The following PTPRD variants were observed in gnomAD, a reference collection of about 807,000 sequenced individuals.
The protein encoded by PTPRD is receptor-type tyrosine-protein phosphatase delta.
Under a neutral mutation model 214.5 loss-of-function variants are expected in PTPRD, and 34 were observed. That is an observed-to-expected ratio of 0.16 (90% confidence interval 0.12 to 0.21). The LOEUF is 0.21. Among genes scored for constraint, PTPRD ranks in the 10% least tolerant of loss-of-function variants. PTPRD has a pLI of 1.00. For synonymous variants in PTPRD, 1,128 were observed against 845.7 expected, an observed-to-expected ratio of 1.33 and a Z score of -5.79; for missense variants, 2,545 against 2,398.7, an observed-to-expected ratio of 1.06 and a Z score of -1.27.
intron 6 of PTPRD, among the ~76,000 whole-genome samples, chr9:9,757,083 C>G (rs895089785): frequency 1.3e-5 from 2 of 152,106 alleles, no homozygotes; most frequent in African/African-American, 4.8e-5. Context: ...CTTAGTATGA[C>G]AGCAAAAGTT....
At chr9:10,064,528 T>C (rs894092914) in intron 3 of PTPRD, among the ~76,000 whole-genome samples, 2 of 151,936 alleles carry the variant, frequency 1.3e-5, no homozygotes, top group Non-Finnish European at 2.9e-5. Context: ...TTGTGGTTAA[T>C]GGTCTATCAT....
In PTPRD at chr9:8,589,192, G is replaced by A. The variant is rs116476668; in HGVS notation, c.352+44125C>T. On this transcript the variant is annotated intron_variant, in intron 14 of 45. Transcript: ENST00000381196. Reference sequence around the variant, plus strand: ...CTGGCTAACCTTTACACTATGAAGAGTTGCTGTGCTGATCAAATCAATCAA... The same window carrying A: ...CTGGCTAACCTTTACACTATGAAGAATTGCTGTGCTGATCAAATCAATCAA... 2.6e-3 allele frequency among the ~76,000 whole-genome samples: 403 copies of A among 152,304 alleles called. 4 individuals carry two copies. Among genetic ancestry groups the A allele is most frequent in the African/African-American group, 9.4e-3 (392 of 41,568 alleles).
At chr9:9,055,417 T>A (rs559474544) in intron 10 of PTPRD, among the ~76,000 whole-genome samples, 63 of 152,158 alleles carry the variant, frequency 4.1e-4, no homozygotes, top group Non-Finnish European at 7.8e-4. Context: ...AGTACATACA[T>A]CTTTGCCAGT....
chr9:10,598,858 A>G (rs2077280922), intron 2 of PTPRD, among the ~76,000 whole-genome samples: 1 of 151,622 alleles, frequency 6.6e-6, no homozygotes, highest in African/African-American at 2.4e-5. Flanking sequence ...AGAAAGGAAG[A>G]GAAAGAATGT....
intron 2 of PTPRD, among the ~76,000 whole-genome samples, chr9:10,376,677 C>T (rs1442298411): frequency 6.6e-6 from 1 of 151,836 alleles, no homozygotes; most frequent in East Asian, 2.0e-4. Flanking sequence ...TGTAATTTTG[C>T]AGTCAGAGAA....
At chr9:10,343,162 G>A (rs1360190462) in intron 2 of PTPRD, among the ~76,000 whole-genome samples, 1 of 151,046 alleles carries the variant, frequency 6.6e-6, no homozygotes, top group Admixed American at 6.6e-5. Context: ...GTTGTGTGAT[G>A]TTCCTCACCC....
chr9:9,195,627 A>C (rs541954516), intron 9 of PTPRD, among the ~76,000 whole-genome samples: 4 of 151,980 alleles, frequency 2.6e-5, no homozygotes, highest in African/African-American at 9.7e-5. Context: ...TTTCATTTGA[A>C]TGGAGCATTC....
At chr9:10,437,822 T>G (rs1485721574) in intron 2 of PTPRD, among the ~76,000 whole-genome samples, 7 of 150,940 alleles carry the variant, frequency 4.6e-5, no homozygotes. Context: ...TAAAATGCCT[T>G]TCACTCAAAG....
intron 3 of PTPRD, among the ~76,000 whole-genome samples, chr9:10,306,795 C>G (rs772712568): frequency 2.0e-5 from 3 of 152,086 alleles, no homozygotes; most frequent in Non-Finnish European, 2.9e-5. Context: ...TAAATGAACT[C>G]AGCTGTACTG....
intron 2 of PTPRD, among the ~76,000 whole-genome samples, chr9:10,403,037 C>T (rs1329900837): frequency 6.6e-6 from 1 of 151,062 alleles, no homozygotes; most frequent in East Asian, 2.0e-4. Context: ...GCCTAGGTTC[C>T]CCACATCAAC....
intron 10 of PTPRD, among the ~76,000 whole-genome samples, chr9:9,097,804 C>CTATT (rs1375303128): frequency 6.8e-6 from 1 of 147,166 alleles, no homozygotes; most frequent in African/African-American, 2.5e-5. Flanking sequence ...TTGTTACGAA[C>CTATT]TATTTTTCAC....
chr9:9,897,177 C>G (rs1043458664), intron 5 of PTPRD, among the ~76,000 whole-genome samples: 1 of 150,360 alleles, frequency 6.7e-6, no homozygotes, highest in Non-Finnish European at 1.5e-5. Flanking sequence ...CTAAACACCC[C>G]CTGGGGGTTG....
chr9:10,442,000 G>T (rs954178607), intron 2 of PTPRD, among the ~76,000 whole-genome samples: 1 of 151,442 alleles, frequency 6.6e-6, no homozygotes, highest in Non-Finnish European at 1.5e-5. Context: ...AATTTTTAAA[G>T]CTTATTTTTT....
intron 3 of PTPRD, among the ~76,000 whole-genome samples, chr9:10,171,364 A>G (rs1461179862): frequency 6.6e-6 from 1 of 151,930 alleles, no homozygotes; most frequent in African/African-American, 2.4e-5. Context: ...TGATGGTTTT[A>G]TAAGGAGAAA....
At chr9:8,476,334 A>G (rs2135331905) in intron 30 of PTPRD, among the ~76,000 whole-genome samples, 1 of 152,308 alleles carries the variant, frequency 6.6e-6, no homozygotes, top group Non-Finnish European at 1.5e-5. Flanking sequence ...ATCTGACAGG[A>G]GGCGGAGCTC....
At chr9:9,452,024 T>A (rs151189547) in intron 8 of PTPRD, among the ~76,000 whole-genome samples, 5 of 151,614 alleles carry the variant, frequency 3.3e-5, no homozygotes, top group African/African-American at 1.2e-4. Context: ...ATTTCTAGAA[T>A]TGTTGGAAGA....
chr9:10,181,639 T>C (rs186370905), intron 3 of PTPRD, among the ~76,000 whole-genome samples: 9 of 152,056 alleles, frequency 5.9e-5, no homozygotes, highest in Non-Finnish European at 8.8e-5. Context: ...TTATAAAACA[T>C]AGTAATTAAG....
At chr9:9,712,812 T>A (rs1419581645) in intron 7 of PTPRD, among the ~76,000 whole-genome samples, 2 of 152,212 alleles carry the variant, frequency 1.3e-5, no homozygotes, top group African/African-American at 4.8e-5. Flanking sequence ...TAGTTTATTA[T>A]CTAGCATAGC....
At chr9:8,363,497 T>C (rs75599228) in intron 39 of PTPRD, among the ~76,000 whole-genome samples, 6,204 of 152,152 alleles carry the variant, frequency 0.041, 442 homozygotes, top group African/African-American at 0.14. Flanking sequence ...CAGGTGGCTG[T>C]TCTGAAAAAA....
Sources: gnomAD v4.1 joint callset for allele counts (sites outside exome capture counted in the v4.1 genomes callset) on GRCh38, gnomAD v4.1.1 for gene constraint, MANE v1.5 for transcripts, NCBI Gene and HGNC (gene_info 2026-07-23, HGNC 2026-07-21) for gene names.